FANCM: variants seen among roughly 807,000 people sequenced by gnomAD.
FANCM encodes Fanconi anemia group M protein.
A neutral mutation model predicts 199.5 loss-of-function variants in FANCM; 140 were observed. That is an observed-to-expected ratio of 0.70 (90% CI 0.61 to 0.81). FANCM has a LOEUF of 0.81. Among genes scored for constraint, FANCM ranks in the 30% least tolerant of loss-of-function variants. FANCM has a pLI of 0.00. For missense variants in FANCM, 2,410 were observed against 2,421.4 expected (o/e 1.00, Z 0.10); for synonymous variants, 840 against 836.8 (o/e 1.00, Z -0.07).
chr14:45,137,160 A>G lies in FANCM; in HGVS notation c.600A>G (p.Arg200=). Residue 200 remains arginine, a synonymous_variant, in exon 2 of 23, where the codon AGA becomes AGG. Transcript: ENST00000267430. The part of the protein sequence containing the change: ...TPQVMVNDLS[R]GACPAAEIKC... The stretch of plus-strand genomic sequence containing the variant: ...AGGTCATGGTAAATGACCTTTCTAG[A>G]GGAGCTTGTCCCGCTGCTGAAATAA... 1.2e-6 allele frequency: 2 copies of G among 1,613,802 alleles called. No individual in the cohort carries two copies. Among genetic ancestry groups the G allele is most frequent in the Non-Finnish European group, 1.7e-6 (2 of 1,179,836 alleles).
rs1343552060 is a variant in FANCM, at chr14:45,136,192, A to G, written c.161A>G (p.Asp54Gly). 1 of 1,613,950 alleles carries G rather than the reference A, an allele frequency of 6.2e-7. No individual in the cohort carries two copies. The highest frequency in any genetic ancestry group is 2.2e-5 in the East Asian group (1 of 44,882). Residue 54 changes from aspartate (D) to glycine (G), a missense_variant, in exon 1 of 23, where the codon GAT (aspartate) becomes GGT (glycine). Coordinates refer to ENST00000267430, the MANE Select transcript of FANCM (RefSeq NM_020937.4). ...GCGGAGGCTCAGCTGGAGTCGGACG[A>G]TGATGTGTTGCTTGTCGCGGCGTAC... ...AAAEAQLESDDDVLLVAAYEA... is the reference protein window; with the variant it reads ...AAAEAQLESDGDVLLVAAYEA...
chr14:45,198,970 T>C, intron 22 of FANCM, 35 bp downstream of exon 22: 2 of 1,521,504 alleles, frequency 1.3e-6, no homozygotes, highest in East Asian at 4.5e-5. Context: ...ATGATTACTT[T>C]TAAAAGATTC....
intron 4 of FANCM, among the ~76,000 whole-genome samples, chr14:45,150,526 A>G (rs991331367): frequency 4.6e-5 from 7 of 152,210 alleles, no homozygotes; most frequent in African/African-American, 1.2e-4. Flanking sequence ...GTCTTCATCT[A>G]TAGGTCTCCT....
chr14:45,157,199 A>C (rs1887260959), intron 8 of FANCM, among the ~76,000 whole-genome samples: 2 of 152,184 alleles, frequency 1.3e-5, no homozygotes, highest in South Asian at 4.1e-4. Context: ...TTTTTGAGAC[A>C]CCTAAGTGTC....
At position 45,189,245 on chromosome 14, in the gene FANCM, A is replaced by G; in HGVS notation, c.5223A>G (p.Thr1741=). ...SKQTSLNLKD[T]ISEVSDFKPQ... ...AGACATCGCTGAATTTAAAGGATACAATTTCCGAAGTCTCAGACTTCAAAC... is the reference window on the plus strand; with the variant it reads ...AGACATCGCTGAATTTAAAGGATACGATTTCCGAAGTCTCAGACTTCAAAC... The change falls in exon 20 of 23, where the codon ACA becomes ACG. Residue 1741 remains threonine (T), a synonymous_variant. Transcript: ENST00000267430. 1 of 1,614,084 alleles carries G rather than the reference A, an allele frequency of 6.2e-7. No homozygotes were observed. The highest frequency in any genetic ancestry group is 8.5e-7 in the Non-Finnish European group (1 of 1,179,960).
Position 45,185,248 on chromosome 14 carries a change from C to T in FANCM, c.4547C>T (p.Ala1516Val), listed in dbSNP as rs1259929339. The change falls in exon 18 of 23, where the codon GCA becomes GTA. Residue 1516 changes from alanine (A) to valine (V), a missense_variant. Transcript: ENST00000267430. ...HVARKFLDDE[A>V]ELSEEDAEYV... ...GCTAGGAAGTTTTTAGATGATGAAG[C>T]AGAACTTTCTGAAGAAGATGCAGAA... 3 of 1,604,804 alleles carry T rather than the reference C, an allele frequency of 1.9e-6. No individual in the cohort carries two copies. Among genetic ancestry groups the T allele is most frequent in the African/African-American group, 2.7e-5 (2 of 74,696 alleles).
At position 45,189,090 on chromosome 14, in the gene FANCM, G is replaced by A. The variant is rs752352756; in HGVS notation, c.5068G>A (p.Val1690Ile). The change falls in exon 20 of 23, where the codon GTT (valine) becomes ATT (isoleucine). Residue 1690 changes from valine (V) to isoleucine (I), a missense_variant. By Grantham distance (29) the Val-to-Ile change is conservative (BLOSUM62 3). Coordinates refer to ENST00000267430, the MANE Select transcript of FANCM (RefSeq NM_020937.4). ...VNDKRESNIAVNPSTVKKNKQ... is the reference protein window; with the variant it reads ...VNDKRESNIAINPSTVKKNKQ... ...TGATAAAAGAGAATCTAATATTGCGGTTAACCCAAGCACTGTTAAGAAGAA... is the reference window on the plus strand; with the variant it reads ...TGATAAAAGAGAATCTAATATTGCGATTAACCCAAGCACTGTTAAGAAGAA... 5 of 1,614,068 alleles carry A rather than the reference G, an allele frequency of 3.1e-6. No homozygotes were observed. Among genetic ancestry groups the A allele is most frequent in the Admixed American group, 1.7e-5 (1 of 60,006 alleles).
At chr14:45,187,315 A>T (rs1889464035) in intron 18 of FANCM, among the ~76,000 whole-genome samples, 1 of 126,026 alleles carries the variant, frequency 7.9e-6, no homozygotes, top group Non-Finnish European at 1.8e-5. Context: ...TGCTAGCCAT[A>T]AAAAAAAACC....
chr14:45,189,376 A>G lies in FANCM; in HGVS notation c.5340+14A>G. 1 of 1,574,830 alleles carries G rather than the reference A, an allele frequency of 6.3e-7. No individual in the cohort carries two copies. The highest frequency in any genetic ancestry group is 2.2e-5 in the East Asian group (1 of 44,662). On this transcript the variant is annotated intron_variant, in intron 20 of 22. Transcript: ENST00000267430. ...GTTCCACAGAAGGTATGGATCAAAGAAAGGAAAAATATCTTTAGATGGTTA... is the reference window on the plus strand; with the variant it reads ...GTTCCACAGAAGGTATGGATCAAAGGAAGGAAAAATATCTTTAGATGGTTA...
At chr14:45,195,428 G>T in intron 20 of FANCM, 2 of 422,386 alleles carry the variant, frequency 4.7e-6, no homozygotes, top group South Asian at 1.7e-5. Context: ...TTATGGAGTA[G>T]ATTTATTTTT....
intron 3 of FANCM, among the ~76,000 whole-genome samples, chr14:45,141,495 C>T (rs1333274757): frequency 1.0e-5 from 1 of 100,416 alleles, no homozygotes; most frequent in East Asian, 3.4e-4. Context: ...TCCCCTTTCT[C>T]CTCTGTTCTC....
chr14:45,194,680 T>TAA (rs1889962648), intron 20 of FANCM, among the ~76,000 whole-genome samples: 1 of 152,224 alleles, frequency 6.6e-6, no homozygotes, highest in Admixed American at 6.5e-5. Flanking sequence ...TTCATTCTTA[T>TAA]AATAAATAGC....
At chr14:45,174,642 A>G (rs1428683720) in intron 13 of FANCM, among the ~76,000 whole-genome samples, 1 of 152,200 alleles carries the variant, frequency 6.6e-6, no homozygotes, top group African/African-American at 2.4e-5. Context: ...ACATTCCAAA[A>G]GCTATTCTTA....
intron 3 of FANCM, among the ~76,000 whole-genome samples, chr14:45,147,619 C>A (rs369783408): frequency 1.3e-5 from 2 of 152,108 alleles, no homozygotes; most frequent in South Asian, 4.1e-4. Flanking sequence ...TTTGTTTGGA[C>A]ACCATGGCTC....
chr14:45,176,311 A>G lies in FANCM; in HGVS notation c.3557A>G (p.Asn1186Ser), dbSNP rs750150023. ...ATTTCTGATGAACTTTTGTTGGACA[A>G]TAATTCTGAACTCCAAGATCAAATC... The part of the protein sequence containing the change: ...FLISDELLLD[N>S]NSELQDQITR... Residue 1186 changes from asparagine (N) to serine (S), a missense_variant, in exon 14 of 23, where the codon AAT (asparagine) becomes AGT (serine). By Grantham distance (46) the Asn-to-Ser change is conservative (BLOSUM62 1). Transcript: ENST00000267430. 1 of 1,614,006 alleles carries G rather than the reference A, an allele frequency of 6.2e-7. No homozygotes were observed. The highest frequency in any genetic ancestry group is 1.1e-5 in the South Asian group (1 of 91,084).
chr14:45,182,894 A>C (rs1889157489), intron 16 of FANCM, among the ~76,000 whole-genome samples: 1 of 152,236 alleles, frequency 6.6e-6, no homozygotes, highest in African/African-American at 2.4e-5. Context: ...CATCTAACAC[A>C]AAGCTTATTT....
chr14:45,188,598 AC>A lies in FANCM; in HGVS notation c.4780-203del, dbSNP rs1889557589. ...CTGTTATTAGCCCTTAAATTTCTAGACGGTAAATCATTCTTTTCCTTTATCC... is the reference window on the plus strand; with the variant it reads ...CTGTTATTAGCCCTTAAATTTCTAGAGGTAAATCATTCTTTTCCTTTATCC... On this transcript the variant is annotated intron_variant, in intron 19 of 22. Transcript: ENST00000267430. 2.0e-5 allele frequency among the ~76,000 whole-genome samples: 3 copies of A among 152,128 alleles called. No homozygotes were observed. The South Asian group carries it at 6.2e-4, about 32-fold the overall frequency.
chr14:45,183,866 A>T lies in FANCM; in HGVS notation c.4479A>T (p.Arg1493Ser), dbSNP rs1165911170. The change falls in exon 17 of 23, where the codon AGA becomes AGT. Residue 1493 changes from arginine to serine, a missense_variant. Transcript: ENST00000267430. Reference sequence around the variant, plus strand: ...AGGTTTGTAACGGGAATGCCAGAAGAGGCATCAAAGTCCCAAAGAGACAGA... The same window carrying T: ...AGGTTTGTAACGGGAATGCCAGAAGTGGCATCAAAGTCCCAAAGAGACAGA... ...DFKVCNGNAR[R>S]GIKVPKRQSH... 1 of 1,611,716 alleles carries T rather than the reference A, an allele frequency of 6.2e-7. No homozygotes were observed.
rs1888263777 is a variant in FANCM at position 45,170,452 on chromosome 14, G to T, written c.2003-137G>T. 5.0e-6 allele frequency: 3 copies of T among 605,882 alleles called. No individual in the cohort carries two copies. The South Asian group carries it at 5.6e-5, about 11-fold the overall frequency. The allele number at this position is 605,882 out of a possible 1,614,324, so 37.5% of individuals were successfully genotyped here. A position where few individuals can be genotyped will look rare whatever the true frequency, so the allele number is the denominator to read the frequency against. ...GAGGCAGGAGGATTGCTTGAACCCAGGAGTTTGAGGTTACAGTGAGTTATG... is the reference window on the plus strand; with the variant it reads ...GAGGCAGGAGGATTGCTTGAACCCATGAGTTTGAGGTTACAGTGAGTTATG... On this transcript the variant is annotated intron_variant, in intron 11 of 22. Coordinates refer to ENST00000267430, the MANE Select transcript of FANCM (RefSeq NM_020937.4).
Sources: gnomAD v4.1 joint callset for allele counts (sites outside exome capture counted in the v4.1 genomes callset) on GRCh38, gnomAD v4.1.1 for gene constraint, MANE v1.5 for transcripts, NCBI Gene and HGNC (gene_info 2026-07-23, HGNC 2026-07-21) for gene names.